CCDC69: variants seen among roughly 807,000 people sequenced by gnomAD.
CCDC69 encodes coiled-coil domain containing 69.
Under a neutral mutation model 40.3 loss-of-function variants are expected in CCDC69, and 38 were observed. That is an observed-to-expected ratio of 0.94 (90% CI 0.73 to 1.24). CCDC69 has a LOEUF of 1.24. CCDC69 is among the 50% of genes most tolerant of loss of function. The pLI, the probability that CCDC69 is intolerant of heterozygous loss-of-function variation, is 0.00. For synonymous variants in CCDC69, 141 were observed against 138.9 expected (o/e 1.02, Z -0.11); for missense variants, 389 against 357.9 (o/e 1.09, Z -0.70).
chr5:151,207,377 C>T (rs1421946508), intron 1 of CCDC69, among the ~76,000 whole-genome samples: 1 of 152,032 alleles, frequency 6.6e-6, no homozygotes, highest in African/African-American at 2.4e-5. Context: ...CTGCAAGCTC[C>T]GCCTCCTGGG....
chr5:151,214,441 A>C (rs1753004794), intron 1 of CCDC69, among the ~76,000 whole-genome samples: 1 of 152,232 alleles, frequency 6.6e-6, no homozygotes, highest in African/African-American at 2.4e-5. Flanking sequence ...AAGCTCAGAC[A>C]GAACACCATA....
chr5:151,185,390 G>A, intron 7 of CCDC69, 32 bp downstream of exon 7: 1 of 1,612,038 alleles, frequency 6.2e-7, no homozygotes, highest in Non-Finnish European at 8.5e-7. Flanking sequence ...GGAGCCTGAG[G>A]CTGCATCCCC....
intron 1 of CCDC69, among the ~76,000 whole-genome samples, chr5:151,214,229 C>G (rs1752999674): frequency 6.6e-6 from 1 of 152,200 alleles, no homozygotes. Context: ...AATATCAGAG[C>G]TGCCTTTCCG....
intron 1 of CCDC69, among the ~76,000 whole-genome samples, chr5:151,209,240 C>T (rs962427440): frequency 7.2e-5 from 11 of 152,184 alleles, no homozygotes; most frequent in African/African-American, 2.7e-4. Context: ...ATACTAAGAG[C>T]TCAAATATTG....
intron 3 of CCDC69, among the ~76,000 whole-genome samples, chr5:151,200,019 C>T (rs547423665): frequency 6.6e-6 from 1 of 152,306 alleles, no homozygotes; most frequent in Non-Finnish European, 1.5e-5. Context: ...GCTGAGGCCG[C>T]ACCCTCCCCG....
At chr5:151,212,837 T>C (rs1257201464) in intron 1 of CCDC69, 3 of 456,054 alleles carry the variant, frequency 6.6e-6, no homozygotes, top group African/African-American at 6.0e-5. Context: ...CATGAGGAGG[T>C]TCCAGAAGTT....
chr5:151,189,896 T>A (rs1402241297), intron 4 of CCDC69, among the ~76,000 whole-genome samples: 1 of 152,270 alleles, frequency 6.6e-6, no homozygotes, highest in Non-Finnish European at 1.5e-5. Context: ...ATGTGTTTTC[T>A]GTTTGTTCTC....
At chr5:151,197,683 T>C (rs1298365478) in intron 4 of CCDC69, among the ~76,000 whole-genome samples, 7 of 152,204 alleles carry the variant, frequency 4.6e-5, no homozygotes, top group Non-Finnish European at 1.0e-4. Context: ...AAAAAATAGA[T>C]ATACATAAAC....
intron 1 of CCDC69, chr5:151,215,511 GA>G: frequency 3.6e-6 from 1 of 276,418 alleles, no homozygotes; most frequent in East Asian, 1.0e-4. Context: ...GGGCAGGGCA[GA>G]GGCAGTTTGA....
chr5:151,194,327 C>G (rs1752664125), intron 4 of CCDC69, among the ~76,000 whole-genome samples: 1 of 152,138 alleles, frequency 6.6e-6, no homozygotes, highest in Admixed American at 6.5e-5. Flanking sequence ...GAATATAACT[C>G]CACAATGAAA....
At chr5:151,197,314 G>A (rs1415776544) in intron 4 of CCDC69, among the ~76,000 whole-genome samples, 2 of 152,166 alleles carry the variant, frequency 1.3e-5, no homozygotes, top group Non-Finnish European at 2.9e-5. Flanking sequence ...GATCACTTGA[G>A]CCCAGGAGTT....
chr5:151,210,975 G>GAA (rs1405905837), intron 1 of CCDC69: 1 of 152,056 alleles, frequency 6.6e-6, no homozygotes, highest in Non-Finnish European at 1.5e-5. Flanking sequence ...CAAGAAAAAA[G>GAA]AAAAAGACCA....
At chr5:151,212,700 C>T (rs1238425466) in intron 1 of CCDC69, 18 of 445,520 alleles carry the variant, frequency 4.0e-5, no homozygotes, top group Admixed American at 1.2e-4. Context: ...GTTAACAGAA[C>T]AAGAGTTGGT....
intron 1 of CCDC69, among the ~76,000 whole-genome samples, chr5:151,222,691 T>A (rs1753151861): frequency 6.6e-6 from 1 of 152,194 alleles, no homozygotes; most frequent in African/African-American, 2.4e-5. Flanking sequence ...CTCTCCGCCT[T>A]GTCATCCCTG....
chr5:151,191,660 C>T (rs1264022131), intron 4 of CCDC69, among the ~76,000 whole-genome samples: 1 of 152,102 alleles, frequency 6.6e-6, no homozygotes, highest in Admixed American at 6.5e-5. Flanking sequence ...ATATTTTGAA[C>T]TCAACAAAAT....
chr5:151,195,480 G>A (rs1490637406), intron 4 of CCDC69, among the ~76,000 whole-genome samples: 1 of 152,020 alleles, frequency 6.6e-6, no homozygotes, highest in Non-Finnish European at 1.5e-5. Flanking sequence ...CAGCACTTTA[G>A]GAGGCCGAGG....
chr5:151,198,962 C>A (rs556541005), intron 4 of CCDC69, 35 bp downstream of exon 4: 2 of 1,551,304 alleles, frequency 1.3e-6, no homozygotes, highest in Middle Eastern at 1.7e-4. Context: ...AAGCACCCCC[C>A]ACCACCTTGG....
chr5:151,192,087 G>GAAAAAAAA (rs34310340), intron 4 of CCDC69, among the ~76,000 whole-genome samples: 2 of 38,798 alleles, frequency 5.2e-5, no homozygotes, highest in Non-Finnish European at 8.5e-5. Context: ...CCTGTCTCAG[G>GAAAAAAAA]AAAAAAAAAA....
chr5:151,206,964 T>C (rs1318026213), intron 1 of CCDC69, among the ~76,000 whole-genome samples: 8 of 142,126 alleles, frequency 5.6e-5, no homozygotes, highest in South Asian at 2.3e-4. Context: ...CTTGCTCTGT[T>C]GCCCAGGCTG....
Sources: gnomAD v4.1 joint callset for allele counts (sites outside exome capture counted in the v4.1 genomes callset) on GRCh38, gnomAD v4.1.1 for gene constraint, MANE v1.5 for transcripts, NCBI Gene and HGNC (gene_info 2026-07-23, HGNC 2026-07-21) for gene names.